GNAI1: variants seen among roughly 807,000 people sequenced by gnomAD.
The protein encoded by GNAI1 is G protein subunit alpha i1, also known as guanine nucleotide-binding protein G(i) subunit alpha-1.
A neutral mutation model predicts 38.9 loss-of-function variants in GNAI1; 11 were observed. The ratio of observed to expected loss-of-function variants is 0.28; its 90% confidence interval spans 0.18 to 0.47. GNAI1 has a LOEUF of 0.47. GNAI1 is among the 20% of genes least tolerant of loss of function. The probability of loss-of-function intolerance (pLI) is 0.99; values close to 1 mark genes in which losing one functional copy is unlikely to be tolerated. For missense variants in GNAI1, 317 were observed against 436.9 expected, an observed-to-expected ratio of 0.73 and a Z score of 2.45; for synonymous variants, 166 against 145.1, an observed-to-expected ratio of 1.14 and a Z score of -1.04.
rs754079508 is a variant in GNAI1, at chr7:80,135,127, G to C, written c.-34G>C. 5.0e-5 allele frequency: 71 copies of C among 1,416,676 alleles called. No individual in the cohort carries two copies. Among genetic ancestry groups the C allele is most frequent in the Non-Finnish European group, 6.0e-5 (64 of 1,059,148 alleles). The allele number at this position is 1,416,676 out of a possible 1,614,324, so 87.8% of individuals were successfully genotyped here. A position where few individuals can be genotyped will look rare whatever the true frequency, so the allele number is the denominator to read the frequency against. On this transcript the variant is annotated 5_prime_UTR_variant, in exon 1 of 8. Coordinates refer to ENST00000649796, the MANE Select transcript of GNAI1 (RefSeq NM_002069.6). ...TGCTTGGAGCCCGCACTCGGGCGCGGAGGGAGCGGCGGCAGGCTCTCGCTT... is the reference window on the plus strand; with the variant it reads ...TGCTTGGAGCCCGCACTCGGGCGCGCAGGGAGCGGCGGCAGGCTCTCGCTT...
chr7:80,204,508 C>G (rs927908701), intron 5 of GNAI1, among the ~76,000 whole-genome samples: 3 of 152,124 alleles, frequency 2.0e-5, no homozygotes, highest in Non-Finnish European at 4.4e-5. Context: ...AAACTACTTT[C>G]CTCTTTTTCC....
At chr7:80,147,457 C>A (rs1469988652) in intron 1 of GNAI1, among the ~76,000 whole-genome samples, 1 of 151,856 alleles carries the variant, frequency 6.6e-6, no homozygotes, top group African/African-American at 2.4e-5. Flanking sequence ...AGGGCCCTCA[C>A]CAAGAACCAG....
chr7:80,193,744 A>G (rs1428338410), intron 3 of GNAI1, among the ~76,000 whole-genome samples: 1 of 152,210 alleles, frequency 6.6e-6, no homozygotes, highest in Non-Finnish European at 1.5e-5. Context: ...AGAGTAATTT[A>G]TATGTTCACT....
intron 1 of GNAI1, among the ~76,000 whole-genome samples, chr7:80,164,045 T>C (rs1174528571): frequency 1.4e-5 from 2 of 144,250 alleles, no homozygotes; most frequent in Non-Finnish European, 3.0e-5. Context: ...CTTTCTTTTT[T>C]TTTTTTTTTT....
At chr7:80,202,219 A>T (rs983378196) in intron 4 of GNAI1, among the ~76,000 whole-genome samples, 1 of 151,884 alleles carries the variant, frequency 6.6e-6, no homozygotes, top group African/African-American at 2.4e-5. Context: ...CCTCCCCAAT[A>T]GCTGGGATTA....
intron 1 of GNAI1, among the ~76,000 whole-genome samples, chr7:80,165,070 AAC>A (rs1207966108): frequency 2.0e-5 from 3 of 152,130 alleles, no homozygotes; most frequent in Non-Finnish European, 4.4e-5. Context: ...ACCAAGACCG[AAC>A]TGAAGGGAAT....
chr7:80,167,706 C>G (rs1277708673), intron 1 of GNAI1, among the ~76,000 whole-genome samples: 1 of 152,182 alleles, frequency 6.6e-6, no homozygotes, highest in Non-Finnish European at 1.5e-5. Flanking sequence ...GTTCACTGTA[C>G]ATGCAAACTG....
intron 5 of GNAI1, among the ~76,000 whole-genome samples, chr7:80,209,548 A>T (rs2115701852): frequency 6.6e-6 from 1 of 152,342 alleles, no homozygotes; most frequent in South Asian, 2.1e-4. Context: ...TTCATTAAAT[A>T]ACACCTAGAT....
chr7:80,172,700 C>T (rs750669474), intron 1 of GNAI1, among the ~76,000 whole-genome samples: 5 of 152,094 alleles, frequency 3.3e-5, no homozygotes, highest in African/African-American at 7.2e-5. Context: ...CTTTTTCCTC[C>T]GTACTTAAGA....
chr7:80,137,707 T>G (rs1339216319), intron 1 of GNAI1, among the ~76,000 whole-genome samples: 1 of 152,214 alleles, frequency 6.6e-6, no homozygotes, highest in Non-Finnish European at 1.5e-5. Context: ...TGAATTCTTT[T>G]GGCTGTCTTT....
intron 7 of GNAI1, among the ~76,000 whole-genome samples, chr7:80,214,208 C>G (rs1300746565): frequency 6.6e-6 from 1 of 152,170 alleles, no homozygotes; most frequent in Admixed American, 6.5e-5. Context: ...ACTAATTTCA[C>G]ACATTTACTT....
chr7:80,177,464 G>C (rs1788206354), intron 1 of GNAI1, among the ~76,000 whole-genome samples: 1 of 152,160 alleles, frequency 6.6e-6, no homozygotes, highest in South Asian at 2.1e-4. Context: ...AGCACTGATG[G>C]AGAGGTACAA....
intron 1 of GNAI1, among the ~76,000 whole-genome samples, chr7:80,181,400 AT>A (rs1172023085): frequency 6.6e-6 from 1 of 152,202 alleles, no homozygotes; most frequent in Non-Finnish European, 1.5e-5. Flanking sequence ...ATATGGTGTG[AT>A]TAGAGTGACT....
intron 1 of GNAI1, among the ~76,000 whole-genome samples, chr7:80,172,623 T>C (rs1025285899): frequency 5.9e-5 from 9 of 152,188 alleles, no homozygotes; most frequent in African/African-American, 2.2e-4. Context: ...TTCTGTTTCT[T>C]TCAAGTGAGA....
intron 1 of GNAI1, among the ~76,000 whole-genome samples, chr7:80,188,224 T>C (rs1788422076): frequency 6.6e-6 from 1 of 152,218 alleles, no homozygotes; most frequent in Non-Finnish European, 1.5e-5. Flanking sequence ...TAAAATAGTT[T>C]TTCATGTGGC....
chr7:80,135,047 G>A lies in GNAI1; in HGVS notation c.-114G>A. 1 of 536,504 alleles carries A rather than the reference G, an allele frequency of 1.9e-6. No homozygotes were observed. The allele number at this position is 536,504 out of a possible 1,614,324, so 33.2% of individuals were successfully genotyped here. On this transcript the variant is annotated 5_prime_UTR_variant, in exon 1 of 8. Transcript: ENST00000649796. Reference sequence around the variant, plus strand: ...GCTTAGGAAGTGGTGGGGGCGGCGTGGCCCCCGTCGGGAGGCGTTCGAACG... The same window carrying A: ...GCTTAGGAAGTGGTGGGGGCGGCGTAGCCCCCGTCGGGAGGCGTTCGAACG...
rs756607419 is a variant in GNAI1, at chr7:80,189,228, G to T, written c.300G>T (p.Arg100=). ...AGATAGACTTTGGTGACTCAGCCCG[G>T]GCGGTAAGTTATTAAATTTGTTGGA... ...RLKIDFGDSA[R]ADDARQLFVL... The change falls in exon 3 of 8, where the codon CGG becomes CGT. Residue 100 remains arginine (R), a synonymous_variant. Transcript: ENST00000649796. 1.9e-6 allele frequency: 3 copies of T among 1,610,668 alleles called. No homozygotes were observed. Among genetic ancestry groups the T allele is most frequent in the Non-Finnish European group, 2.5e-6 (3 of 1,179,006 alleles).
intron 4 of GNAI1, among the ~76,000 whole-genome samples, chr7:80,202,075 T>TTTG (rs574296632): frequency 1.3e-5 from 2 of 152,100 alleles, no homozygotes; most frequent in South Asian, 2.1e-4. Context: ...TAGCAGTTTT[T>TTTG]TTGTTGTTGT....
chr7:80,137,871 C>G (rs1374892028), intron 1 of GNAI1, among the ~76,000 whole-genome samples: 1 of 152,172 alleles, frequency 6.6e-6, no homozygotes, highest in African/African-American at 2.4e-5. Flanking sequence ...AGAATTCTGG[C>G]TTACTTATTC....
Sources: gnomAD v4.1 joint callset for allele counts (sites outside exome capture counted in the v4.1 genomes callset) on GRCh38, gnomAD v4.1.1 for gene constraint, MANE v1.5 for transcripts, NCBI Gene and HGNC (gene_info 2026-07-23, HGNC 2026-07-21) for gene names.